The following ADAMTS6 variants were observed in gnomAD, a reference collection of about 807,000 sequenced individuals.
The protein encoded by ADAMTS6 is ADAM metallopeptidase with thrombospondin type 1 motif 6, also known as A disintegrin and metalloproteinase with thrombospondin motifs 6.
A neutral mutation model predicts 144.3 loss-of-function variants in ADAMTS6; 23 were observed. The ratio of observed to expected loss-of-function variants is 0.16; its 90% confidence interval spans 0.11 to 0.23. The LOEUF (loss-of-function observed/expected upper bound fraction) is 0.23. Among genes scored for constraint, ADAMTS6 ranks in the 10% least tolerant of loss-of-function variants. The pLI, the probability that ADAMTS6 is intolerant of heterozygous loss-of-function variation, is 1.00. For synonymous variants in ADAMTS6, 444 were observed against 457.5 expected (o/e 0.97, Z 0.38); for missense variants, 999 against 1,379.6 (o/e 0.72, Z 4.37).
intron 9 of ADAMTS6, among the ~76,000 whole-genome samples, chr5:65,313,367 G>T (rs570428169): frequency 6.6e-6 from 1 of 152,046 alleles, no homozygotes; most frequent in South Asian, 2.1e-4. Context: ...TAGCTACTAT[G>T]TGAATATGTC....
intron 7 of ADAMTS6, among the ~76,000 whole-genome samples, chr5:65,438,805 A>T (rs1156301470): frequency 1.3e-5 from 2 of 152,218 alleles, no homozygotes; most frequent in African/African-American, 2.4e-5. Flanking sequence ...AATATATTTG[A>T]AAAGATTTTA....
intron 7 of ADAMTS6, among the ~76,000 whole-genome samples, chr5:65,367,331 C>A (rs1750395537): frequency 6.6e-6 from 1 of 152,080 alleles, no homozygotes; most frequent in Non-Finnish European, 1.5e-5. Flanking sequence ...TTTAATACTC[C>A]AACCCTAGAG....
chr5:65,234,852 A>T (rs995121464), intron 15 of ADAMTS6, among the ~76,000 whole-genome samples: 13 of 152,212 alleles, frequency 8.5e-5, no homozygotes, highest in African/African-American at 3.1e-4. Flanking sequence ...ATATGGAAAC[A>T]ACCCAAGTGT....
At chr5:65,409,235 A>G (rs1262056953) in intron 7 of ADAMTS6, among the ~76,000 whole-genome samples, 1 of 152,216 alleles carries the variant, frequency 6.6e-6, no homozygotes, top group Admixed American at 6.5e-5. Context: ...AAGATCAACA[A>G]AACTGATAGA....
At chr5:65,429,611 G>A (rs919117991) in intron 7 of ADAMTS6, among the ~76,000 whole-genome samples, 2 of 151,992 alleles carry the variant, frequency 1.3e-5, no homozygotes, top group African/African-American at 4.8e-5. Flanking sequence ...CCTTAGATGG[G>A]TGAGAAAAGA....
At chr5:65,425,274 A>T in intron 7 of ADAMTS6, among the ~76,000 whole-genome samples, 2 of 152,080 alleles carry the variant, frequency 1.3e-5, no homozygotes, top group African/African-American at 4.8e-5. Flanking sequence ...GTGATCCGCC[A>T]GCCTCAGCCT....
rs1755143822 is a variant in ADAMTS6, at chr5:65,193,578, TAAC to T, written c.2705+3441_2705+3443del. Among the ~76,000 whole-genome samples the T allele has an allele frequency of 3.3e-5, 5 of 152,176 alleles. No homozygotes were observed. The South Asian group carries it at 1.0e-3, about 32-fold the overall frequency. On this transcript the variant is annotated intron_variant, in intron 21 of 24. Coordinates refer to ENST00000381055, the MANE Select transcript of ADAMTS6 (RefSeq NM_197941.4). Reference sequence around the variant, plus strand: ...TGAAAGATTATTTTTAAAATAATAATAACGACTGTTGTTCACTTCCAGGAAAAT... The same window carrying T: ...TGAAAGATTATTTTTAAAATAATAATGACTGTTGTTCACTTCCAGGAAAAT...
intron 7 of ADAMTS6, among the ~76,000 whole-genome samples, chr5:65,341,068 A>G (rs889349187): frequency 2.0e-5 from 3 of 151,994 alleles, no homozygotes; most frequent in Non-Finnish European, 4.4e-5. Context: ...ACTCAAAACT[A>G]TACAAACGTA....
intron 3 of ADAMTS6, among the ~76,000 whole-genome samples, chr5:65,466,566 GC>G (rs1241022026): frequency 6.6e-6 from 1 of 152,072 alleles, no homozygotes; most frequent in Non-Finnish European, 1.5e-5. Flanking sequence ...CTACAACAGT[GC>G]CCATTATATG....
chr5:65,312,008 G>A (rs763632489), intron 9 of ADAMTS6, among the ~76,000 whole-genome samples: 1 of 151,888 alleles, frequency 6.6e-6, no homozygotes, highest in Non-Finnish European at 1.5e-5. Context: ...ACTCTGTCAA[G>A]CATTTTGTTA....
At chr5:65,378,964 A>T (rs1197089357) in intron 7 of ADAMTS6, among the ~76,000 whole-genome samples, 1 of 152,198 alleles carries the variant, frequency 6.6e-6, no homozygotes, top group African/African-American at 2.4e-5. Flanking sequence ...AATAAAAAAA[A>T]AGTCATGATC....
chr5:65,470,320 G>A (rs745839641), intron 3 of ADAMTS6, among the ~76,000 whole-genome samples: 1 of 151,924 alleles, frequency 6.6e-6, no homozygotes, highest in Non-Finnish European at 1.5e-5. Flanking sequence ...ATTTTACTTC[G>A]AGAACTTATA....
intron 11 of ADAMTS6, among the ~76,000 whole-genome samples, chr5:65,278,502 C>CT (rs1256803179): frequency 6.6e-6 from 1 of 152,118 alleles, no homozygotes; most frequent in African/African-American, 2.4e-5. Context: ...TGTTTTTTGA[C>CT]TTTTTAATAA....
chr5:65,244,178 T>TAA (rs1457071371), intron 14 of ADAMTS6, among the ~76,000 whole-genome samples: 1 of 151,894 alleles, frequency 6.6e-6, no homozygotes, highest in East Asian at 1.9e-4. Flanking sequence ...GGGAGACTAT[T>TAA]AAGAATGAAG....
At chr5:65,333,316 T>G (rs1746961357) in intron 8 of ADAMTS6, among the ~76,000 whole-genome samples, 1 of 152,130 alleles carries the variant, frequency 6.6e-6, no homozygotes, top group Admixed American at 6.6e-5. Context: ...CCATTTGTAT[T>G]TGCAGTTAAC....
intron 7 of ADAMTS6, among the ~76,000 whole-genome samples, chr5:65,348,689 A>C (rs1489885954): frequency 6.6e-6 from 1 of 152,160 alleles, no homozygotes; most frequent in African/African-American, 2.4e-5. Context: ...GGTGATAATT[A>C]TATTAATTAG....
chr5:65,273,518 C>G (rs1762220567), intron 11 of ADAMTS6, 71 bp from the exon 12 acceptor site: 1 of 1,247,180 alleles, frequency 8.0e-7, no homozygotes, highest in Non-Finnish European at 1.2e-6. Context: ...AATACACTTA[C>G]AGTCACTCTG....
At chr5:65,167,391 A>G (rs1382210186) in intron 24 of ADAMTS6, among the ~76,000 whole-genome samples, 2 of 152,110 alleles carry the variant, frequency 1.3e-5, no homozygotes, top group Non-Finnish European at 2.9e-5. Context: ...GCAATAATCA[A>G]TAGTTTACCA....
At chr5:65,300,806 T>C (rs919941016) in intron 9 of ADAMTS6, among the ~76,000 whole-genome samples, 4 of 152,044 alleles carry the variant, frequency 2.6e-5, no homozygotes, top group South Asian at 4.1e-4. Context: ...TAATTTTTTG[T>C]ATTTTTAGTA....
Sources: allele counts gnomAD v4.1 joint callset (sites outside exome capture counted in the v4.1 genomes callset), GRCh38; gene constraint gnomAD v4.1.1; transcripts MANE v1.5; gene names NCBI Gene and HGNC (gene_info 2026-07-23, HGNC 2026-07-21).